Variants in EPB41 observed in about 807,000 individuals in gnomAD.
EPB41 encodes protein 4.1.
A neutral mutation model predicts 108.0 loss-of-function variants in EPB41; 65 were observed. That is an observed-to-expected ratio of 0.60 (90% CI 0.49 to 0.74). The LOEUF is 0.74. EPB41 is among the 30% of genes least tolerant of loss of function. The pLI, the probability that EPB41 is intolerant of heterozygous loss-of-function variation, is 0.00. For missense variants in EPB41, 875 were observed against 1,037.0 expected (o/e 0.84, Z 2.15); for synonymous variants, 336 against 358.9 (o/e 0.94, Z 0.72).
At chr1:28,994,654 T>TTTAG (rs1258927124) in intron 3 of EPB41, among the ~76,000 whole-genome samples, 1 of 149,836 alleles carries the variant, frequency 6.7e-6, no homozygotes, top group Non-Finnish European at 1.5e-5. Flanking sequence ...TATTTATTTA[T>TTTAG]TTATTTATTT....
chr1:28,993,723 C>G (rs1013601897), intron 3 of EPB41, among the ~76,000 whole-genome samples, 181 bp downstream of exon 3: 2 of 141,426 alleles, frequency 1.4e-5, no homozygotes, highest in Non-Finnish European at 3.0e-5. Context: ...GTGGCATGAT[C>G]TTGGCTCACT....
intron 1 of EPB41, among the ~76,000 whole-genome samples, chr1:28,963,779 T>C (rs2095287781): frequency 6.6e-6 from 1 of 152,206 alleles, no homozygotes; most frequent in Non-Finnish European, 1.5e-5. Context: ...ATACCCAGGG[T>C]TACACCGTGA....
At chr1:29,092,334 C>T (rs533174891) in intron 16 of EPB41, among the ~76,000 whole-genome samples, 4 of 151,974 alleles carry the variant, frequency 2.6e-5, no homozygotes, top group African/African-American at 7.2e-5. Context: ...TCAGGTGATC[C>T]GCCCACCTCA....
At chr1:28,954,167 C>G (rs1040862118) in intron 1 of EPB41, among the ~76,000 whole-genome samples, 5 of 152,150 alleles carry the variant, frequency 3.3e-5, no homozygotes, top group Non-Finnish European at 7.3e-5. Flanking sequence ...CCAAGAAATG[C>G]TCATTCATTA....
chr1:29,019,875 A>G (rs2096622464), intron 7 of EPB41, among the ~76,000 whole-genome samples: 2 of 152,168 alleles, frequency 1.3e-5, no homozygotes, highest in Middle Eastern at 3.2e-3. Context: ...CAACCTACAT[A>G]GCAGTAGTCT....
Position 29,033,333 on chromosome 1 carries a change from G to A in EPB41, c.1365+88G>A, listed in dbSNP as rs532402792. Reference sequence around the variant, plus strand: ...TTCCATTTTCCTTATTAAGTCATCTGAGAAGTCTCTCTATAGTTAACTATT... The same window carrying A: ...TTCCATTTTCCTTATTAAGTCATCTAAGAAGTCTCTCTATAGTTAACTATT... On this transcript the variant is annotated intron_variant, in intron 9 of 20. Transcript: ENST00000343067. 4.6e-4 allele frequency: 694 copies of A among 1,493,698 alleles called. 4 individuals are homozygous for A. The South Asian group carries it at 6.8e-3, about 15-fold the overall frequency. 92.5% of individuals were successfully genotyped at this position (1,493,698 alleles called of 1,614,324 possible).
chr1:28,899,982 A>T (rs2091107815), intron 1 of EPB41, among the ~76,000 whole-genome samples: 1 of 152,164 alleles, frequency 6.6e-6, no homozygotes, highest in Admixed American at 6.5e-5. Flanking sequence ...GCATCTTCTC[A>T]TAGGATTATT....
intron 1 of EPB41, among the ~76,000 whole-genome samples, chr1:28,935,465 ACACCC>A (rs1463767613): frequency 2.1e-3 from 85 of 40,694 alleles, no homozygotes; most frequent in Admixed American, 4.6e-3. Context: ...ACACACACAC[ACACCC>A]CCCCCCCCCC....
intron 11 of EPB41, among the ~76,000 whole-genome samples, chr1:29,047,252 C>CATTTTTTTTTTTT (rs1558142163): frequency 1.1e-5 from 1 of 94,866 alleles, no homozygotes; most frequent in African/African-American, 6.3e-5. Context: ...TTCTTTCTTT[C>CATTTTTTTTTTTT]CTTTTTTTTT....
intron 7 of EPB41, among the ~76,000 whole-genome samples, chr1:29,028,849 C>T (rs1454140597): frequency 6.6e-6 from 1 of 152,024 alleles, no homozygotes; most frequent in Non-Finnish European, 1.5e-5. Flanking sequence ...CAAGATCAGC[C>T]TGGGCAACAT....
At chr1:29,050,007 C>CA (rs977545890) in intron 11 of EPB41, among the ~76,000 whole-genome samples, 1 of 151,920 alleles carries the variant, frequency 6.6e-6, no homozygotes, top group Non-Finnish European at 1.5e-5. Context: ...AATTGTATCT[C>CA]AAAAAAAGCT....
At chr1:28,918,020 T>C (rs1428089187) in intron 1 of EPB41, among the ~76,000 whole-genome samples, 1 of 152,212 alleles carries the variant, frequency 6.6e-6, no homozygotes, top group Non-Finnish European at 1.5e-5. Context: ...TTCATAACTT[T>C]AGAATATCAG....
chr1:29,097,004 GC>G (rs1663440899), intron 16 of EPB41: 1 of 152,098 alleles, frequency 6.6e-6, no homozygotes, highest in South Asian at 2.1e-4. Context: ...GAGATTTCAG[GC>G]CCCAAATAAT....
chr1:28,995,360 G>A (rs113933311), intron 3 of EPB41, among the ~76,000 whole-genome samples: 33 of 152,060 alleles, frequency 2.2e-4, no homozygotes, highest in Admixed American at 3.9e-4. Context: ...TCAAGAAATC[G>A]AGACCATACT....
chr1:28,939,810 A>G (rs1008616468), intron 1 of EPB41, among the ~76,000 whole-genome samples: 1 of 152,204 alleles, frequency 6.6e-6, no homozygotes, highest in Non-Finnish European at 1.5e-5. Flanking sequence ...AGTATCAGTT[A>G]TCTATTGCTA....
At chr1:28,904,320 T>C (rs1427915787) in intron 1 of EPB41, among the ~76,000 whole-genome samples, 1 of 152,084 alleles carries the variant, frequency 6.6e-6, no homozygotes, top group African/African-American at 2.4e-5. Context: ...GGGACCACTG[T>C]GTCCCCACTT....
At chr1:29,098,079 G>C in intron 17 of EPB41, 144 bp downstream of exon 17, 1 of 1,232,758 alleles carries the variant, frequency 8.1e-7, no homozygotes, top group African/African-American at 1.5e-5. Context: ...GGTCTAAGAA[G>C]GTCCCAGACT....
intron 16 of EPB41, 84 bp downstream of exon 16, chr1:29,065,242 G>A: frequency 7.0e-7 from 1 of 1,438,430 alleles, no homozygotes. Context: ...CTGAGAGAAA[G>A]CTTAGAGCTG....
intron 16 of EPB41, among the ~76,000 whole-genome samples, chr1:29,076,238 A>G (rs992622538): frequency 2.0e-5 from 3 of 152,072 alleles, no homozygotes. Flanking sequence ...CTTCTTTTCT[A>G]ACTTCCCTTG....
Sources: gnomAD v4.1 joint callset for allele counts (sites outside exome capture counted in the v4.1 genomes callset) on GRCh38, gnomAD v4.1.1 for gene constraint, MANE v1.5 for transcripts, NCBI Gene and HGNC (gene_info 2026-07-23, HGNC 2026-07-21) for gene names.